Variants in TOM1L2 observed in about 807,000 individuals in gnomAD.
TOM1L2 encodes TOM1-like protein 2.
Under a neutral mutation model 67.9 loss-of-function variants are expected in TOM1L2, and 31 were observed. The ratio of observed to expected loss-of-function variants is 0.46; its 90% CI spans 0.34 to 0.62. The LOEUF (loss-of-function observed/expected upper bound fraction) is 0.62. TOM1L2 is among the 20% of genes least tolerant of loss of function. The pLI is 0.01. For synonymous variants in TOM1L2, 256 were observed against 254.0 expected, an observed-to-expected ratio of 1.01 and a Z score of -0.07; for missense variants, 606 against 663.5, an observed-to-expected ratio of 0.91 and a Z score of 0.95.
chr17:17,910,752 T>C (rs2039311132), intron 1 of TOM1L2, among the ~76,000 whole-genome samples: 1 of 152,084 alleles, frequency 6.6e-6, no homozygotes, highest in Admixed American at 6.6e-5. Flanking sequence ...GTATTTGTAG[T>C]AGAGATGGGT....
chr17:17,944,547 A>G (rs745506066), intron 1 of TOM1L2, among the ~76,000 whole-genome samples: 2 of 152,246 alleles, frequency 1.3e-5, no homozygotes, highest in East Asian at 1.9e-4. Flanking sequence ...TCACAAGACA[A>G]ACTAACGCAG....
intron 1 of TOM1L2, among the ~76,000 whole-genome samples, chr17:17,966,422 G>C (rs1245493458): frequency 6.6e-6 from 1 of 152,170 alleles, no homozygotes; most frequent in Non-Finnish European, 1.5e-5. Flanking sequence ...AAAGATTAAA[G>C]AAACAGAACT....
At chr17:17,850,037 A>T (rs1477481053) in intron 13 of TOM1L2, among the ~76,000 whole-genome samples, 2 of 152,200 alleles carry the variant, frequency 1.3e-5, no homozygotes, top group East Asian at 3.9e-4. Context: ...ACAGACAGCC[A>T]GGCTGACCCT....
At chr17:17,920,532 G>A (rs1400359135) in intron 1 of TOM1L2, among the ~76,000 whole-genome samples, 1 of 151,890 alleles carries the variant, frequency 6.6e-6, no homozygotes, top group Non-Finnish European at 1.5e-5. Flanking sequence ...TAGAGACGGG[G>A]TTTCACAATG....
chr17:17,955,329 T>C (rs2041387160), intron 1 of TOM1L2, among the ~76,000 whole-genome samples: 1 of 140,238 alleles, frequency 7.1e-6, no homozygotes, highest in Non-Finnish European at 1.5e-5. Context: ...CAATTCCTTT[T>C]TTTTTTTTTT....
chr17:17,857,823 T>C (rs1177181670), intron 12 of TOM1L2: 5 of 1,535,640 alleles, frequency 3.3e-6, no homozygotes, highest in Non-Finnish European at 1.7e-6. Flanking sequence ...ACTCCCCACC[T>C]CTACCTCTCT....
intron 1 of TOM1L2, among the ~76,000 whole-genome samples, chr17:17,926,354 T>C (rs2040082932): frequency 6.6e-6 from 1 of 151,924 alleles, no homozygotes; most frequent in Admixed American, 6.6e-5. Context: ...CCAAAGGAGG[T>C]CACCCAGGGT....
At position 17,884,767 on chromosome 17, in the gene TOM1L2, G is replaced by T; in HGVS notation, c.368C>A (p.Ala123Glu). 2 of 1,613,322 alleles carry T rather than the reference G, an allele frequency of 1.2e-6. No homozygotes were observed. The highest frequency in any genetic ancestry group is 1.7e-6 in the Non-Finnish European group (2 of 1,180,024). The change falls in exon 5 of 15, where the codon GCA becomes GAA. Residue 123 changes from alanine (A) to glutamate (E), a missense_variant and splice_region_variant. Ala to Glu is a moderately radical substitution (Grantham distance 107). Around this residue, in one of 2 missense-constraint regions of TOM1L2, gnomAD observed 543 missense variants for 554.0 expected, o/e 0.98. Coordinates refer to ENST00000379504, the MANE Select transcript of TOM1L2 (RefSeq NM_001082968.2). ...ACTGCTTCGAAAGGCATCAGCCCAT[G>T]CCTGGGATAATAGAAGGCCTGTTAG... ...VQDKVLALIQ[A>E]WADAFRSSPD...
At chr17:17,869,508 G>A in intron 7 of TOM1L2, 35 bp from the exon 8 acceptor site, 2 of 1,560,000 alleles carry the variant, frequency 1.3e-6, no homozygotes, top group Non-Finnish European at 1.7e-6. Flanking sequence ...TAGCCTGCTG[G>A]GTGTGCTTTT....
Position 17,893,705 on chromosome 17 carries a change from T to C in TOM1L2, c.322A>G (p.Asn108Asp), listed in dbSNP as rs930406175. Reference protein sequence around the residue: ...VLVKIISPKNNPPTIVQDKVL... With the variant: ...VLVKIISPKNDPPTIVQDKVL... Reference sequence around the variant, plus strand: ...TTGTCCTGTACAATGGTGGGAGGGTTGTTCTTGGGAGATATAATTTTGACC... The same window carrying C: ...TTGTCCTGTACAATGGTGGGAGGGTCGTTCTTGGGAGATATAATTTTGACC... The change falls in exon 4 of 15, where the codon AAC becomes GAC. Residue 108 changes from asparagine to aspartate, a missense_variant. Asn to Asp is a conservative substitution (Grantham distance 23, BLOSUM62 1). Coordinates refer to ENST00000379504, the MANE Select transcript of TOM1L2 (RefSeq NM_001082968.2). 1.2e-6 allele frequency: 2 copies of C among 1,614,068 alleles called. No homozygotes were observed. The highest frequency in any genetic ancestry group is 3.3e-5 in the Admixed American group (2 of 60,004).
At chr17:17,947,009 G>A (rs771387673) in intron 1 of TOM1L2, among the ~76,000 whole-genome samples, 13 of 152,180 alleles carry the variant, frequency 8.5e-5, no homozygotes, top group Non-Finnish European at 1.6e-4. Context: ...ACAGGCGTAC[G>A]CCACCGTGCC....
At chr17:17,917,984 A>G (rs1473754229) in intron 1 of TOM1L2, among the ~76,000 whole-genome samples, 1 of 152,142 alleles carries the variant, frequency 6.6e-6, no homozygotes, top group Non-Finnish European at 1.5e-5. Context: ...CTATGAACAC[A>G]GGATGTTTTT....
At chr17:17,967,721 C>T (rs1275421332) in intron 1 of TOM1L2, among the ~76,000 whole-genome samples, 1 of 152,166 alleles carries the variant, frequency 6.6e-6, no homozygotes, top group Non-Finnish European at 1.5e-5. Context: ...GATTCTTCCG[C>T]CTCAGCCTCC....
chr17:17,909,423 A>AAT (rs1225638838), intron 1 of TOM1L2, among the ~76,000 whole-genome samples: 2 of 152,168 alleles, frequency 1.3e-5, no homozygotes, highest in African/African-American at 4.8e-5. Flanking sequence ...CTTAAAAAGG[A>AAT]AGGAAATCCT....
intron 1 of TOM1L2, among the ~76,000 whole-genome samples, chr17:17,961,238 T>C (rs1354597585): frequency 1.3e-5 from 2 of 151,930 alleles, no homozygotes; most frequent in African/African-American, 2.4e-5. Flanking sequence ...CACCAATTCA[T>C]ACCCATTAGG....
At chr17:17,897,462 G>A (rs994802597) in intron 3 of TOM1L2, among the ~76,000 whole-genome samples, 3 of 152,134 alleles carry the variant, frequency 2.0e-5, no homozygotes, top group African/African-American at 7.2e-5. Context: ...CTATTTCAAA[G>A]CCCCAGAGAA....
chr17:17,884,317 C>G (rs2037879365), intron 5 of TOM1L2, among the ~76,000 whole-genome samples: 1 of 152,190 alleles, frequency 6.6e-6, no homozygotes. Context: ...ATTCCCACAC[C>G]AGATTCTAGG....
At chr17:17,962,874 T>C (rs1179959450) in intron 1 of TOM1L2, among the ~76,000 whole-genome samples, 1 of 151,466 alleles carries the variant, frequency 6.6e-6, no homozygotes, top group East Asian at 2.0e-4. Flanking sequence ...GGCAGGAGAA[T>C]CGCTTGAACC....
intron 4 of TOM1L2, among the ~76,000 whole-genome samples, 153 bp downstream of exon 4, chr17:17,893,508 G>A (rs1307849816): frequency 6.6e-6 from 1 of 151,758 alleles, no homozygotes; most frequent in Non-Finnish European, 1.5e-5. Flanking sequence ...CCAGTGGGAT[G>A]AGAATTTTTT....
Sources: gnomAD v4.1 joint callset for allele counts (sites outside exome capture counted in the v4.1 genomes callset) on GRCh38, gnomAD v4.1.1 for gene constraint, gnomAD v4.1.1 regional missense constraint, MANE v1.5 for transcripts, NCBI Gene and HGNC (gene_info 2026-07-23, HGNC 2026-07-21) for gene names.